RBM28: variants seen among roughly 807,000 people sequenced by gnomAD.
RBM28 encodes RNA-binding protein 28.
RBM28 carries 78 observed loss-of-function variants against 98.3 expected under a neutral mutation model. The ratio of observed to expected loss-of-function variants is 0.79; its 90% confidence interval spans 0.66 to 0.96. The LOEUF is 0.96. Ranked by LOEUF, RBM28 falls within the 40% of genes least tolerant of loss-of-function variation. The pLI is 0.00. For synonymous variants in RBM28, 306 were observed against 330.9 expected, an observed-to-expected ratio of 0.92 and a Z score of 0.82; for missense variants, 838 against 913.0, an observed-to-expected ratio of 0.92 and a Z score of 1.06.
rs1795728715 is a variant in RBM28 at position 128,297,961 on chromosome 7, G to A, written c.*12836C>T. 7.4e-6 allele frequency: 1 copy of A among 135,482 alleles called. No homozygotes were observed. The highest frequency in any genetic ancestry group is 2.7e-5 in the African/African-American group (1 of 36,564). The allele number at this position is 135,482 out of a possible 1,614,324, so 8.4% of individuals were successfully genotyped here. A position where few individuals can be genotyped will look rare whatever the true frequency, so the allele number is the denominator to read the frequency against. ...ATGAGAACACATGGACACAGGAAGG[G>A]GAACATCACACTCTGGGGACTATTG... On this transcript the variant is annotated 3_prime_UTR_variant, in exon 19 of 19. Transcript: ENST00000223073.
At position 128,303,374 on chromosome 7, in the gene RBM28, A is replaced by G. The variant is rs1795807098; in HGVS notation, c.*7423T>C. The G allele has an allele frequency of 6.6e-6, 1 of 152,190 alleles. No individual in the cohort carries two copies. The highest frequency in any genetic ancestry group is 2.4e-5 in the African/African-American group (1 of 41,430). The allele number at this position is 152,190 out of a possible 1,614,324, so 9.4% of individuals were successfully genotyped here. A position where few individuals can be genotyped will look rare whatever the true frequency, so the allele number is the denominator to read the frequency against. ...ACTAGGTGGTGACATCTGCTTCTCA[A>G]TAACCTTCACCAGGCTTGCTGTGAA... On this transcript the variant is annotated 3_prime_UTR_variant, in exon 19 of 19. Coordinates refer to ENST00000223073, the MANE Select transcript of RBM28 (RefSeq NM_018077.3).
rs559133678 is a variant in RBM28 at position 128,328,927 on chromosome 7, A to G, written c.1129+1892T>C. Among the ~76,000 whole-genome samples, 19 of 151,864 alleles carry G rather than the reference A, an allele frequency of 1.3e-4. No individual in the cohort carries two copies. In the South Asian group the frequency reaches 2.9e-3, roughly 23 times the overall value. On this transcript the variant is annotated intron_variant, in intron 10 of 18. Coordinates refer to ENST00000223073, the MANE Select transcript of RBM28 (RefSeq NM_018077.3). ...GATTAGATCTCTAACTCTGTTCCAC[A>G]GTGCTGCCTTATTCACATCTTTTTT...
rs1796524410 is a variant in RBM28 at position 128,333,292 on chromosome 7, G to C, written c.1017C>G (p.Ile339Met). ...ATTCTGGAGGCAGAAAGACATACCT[G>C]ATAAAAACAGTTTTCCCTTCATTCA... ...SDVNEGKTVF[I>M]RNLSFDSEEE... is the part of the protein sequence containing the mutation. Residue 339 changes from isoleucine to methionine, a missense_variant and splice_region_variant, in exon 9 of 19, where the codon ATC becomes ATG. Physicochemically the swap from Ile to Met is conservative, Grantham distance 10. Transcript: ENST00000223073. 6.3e-7 allele frequency: 1 copy of C among 1,589,196 alleles called. No individual in the cohort carries two copies. Among genetic ancestry groups the C allele is most frequent in the Non-Finnish European group, 8.6e-7 (1 of 1,157,478 alleles).
chr7:128,311,697 A>C (rs773990674), intron 18 of RBM28, among the ~76,000 whole-genome samples: 1 of 152,222 alleles, frequency 6.6e-6, no homozygotes, highest in South Asian at 2.1e-4. Context: ...TCAGGATTTC[A>C]TAATACTAAA....
At chr7:128,337,052 T>C in intron 6 of RBM28, 79 bp downstream of exon 6, 1 of 1,459,276 alleles carries the variant, frequency 6.9e-7, no homozygotes, top group Non-Finnish European at 9.6e-7. Flanking sequence ...TACACTTTTA[T>C]CATGAACACA....
At position 128,314,996 on chromosome 7, in the gene RBM28, TTGCAGGCTTGGATCTCATTTTTTGC is replaced by T. The variant is rs763089068; in HGVS notation, c.1789-1_1812del. On this transcript the variant is annotated splice_acceptor_variant and coding_sequence_variant, in exon 17 of 19. Transcript: ENST00000223073. LOFTEE classifies it high-confidence loss of function. ...GGTTGCCCCTTCTGAGGCTCACCAGTTGCAGGCTTGGATCTCATTTTTTGCTGCATAAAACAAGAAAATGCCATCT... is the reference window on the plus strand; with the variant it reads ...GGTTGCCCCTTCTGAGGCTCACCAGTTGCATAAAACAAGAAAATGCCATCT... The T allele has an allele frequency of 6.2e-7, 1 of 1,614,228 alleles. No individual in the cohort carries two copies. Among genetic ancestry groups the T allele is most frequent in the South Asian group, 1.1e-5 (1 of 91,080 alleles).
Position 128,310,540 on chromosome 7 carries a change from C to T in RBM28, c.*257G>A. The T allele has an allele frequency of 2.0e-6, 1 of 507,518 alleles. No homozygotes were observed. The highest frequency in any genetic ancestry group is 2.7e-5 in the South Asian group (1 of 37,014). 31.4% of individuals were successfully genotyped at this position (507,518 alleles called of 1,614,324 possible). ...TAAAAATTGGTAATAATTATAGACA[C>T]AACTTCATACAATAATCTGGATAAT... is the stretch of plus-strand genomic sequence containing the variant. On this transcript the variant is annotated 3_prime_UTR_variant, in exon 19 of 19. Coordinates refer to ENST00000223073, the MANE Select transcript of RBM28 (RefSeq NM_018077.3).
intron 13 of RBM28, among the ~76,000 whole-genome samples, chr7:128,322,104 A>T (rs1796249186): frequency 6.6e-6 from 1 of 151,936 alleles, no homozygotes; most frequent in Non-Finnish European, 1.5e-5. Context: ...AACAAATAAT[A>T]CTGTGATTAA....
chr7:128,339,166 G>A, intron 3 of RBM28, 61 bp downstream of exon 3: 1 of 1,359,152 alleles, frequency 7.4e-7, no homozygotes, highest in Non-Finnish European at 1.0e-6. Context: ...TTCTACTAAT[G>A]ATCACATCTT....
Position 128,337,149 on chromosome 7 carries a change from G to A in RBM28, c.595C>T (p.Gln199Ter). ...ATCTTACCTATAGCAGAAACAGACT[G>A]TGTATCTTTATATTTATCCTTTGCC... Reference protein sequence around the residue: ...AVAKDKYKDTQSVSAIGEEKS... With the variant: ...AVAKDKYKDT The change falls in exon 6 of 19, where the codon CAG (glutamine) becomes TAG (stop). Residue 199 changes from glutamine to a stop codon, truncating the protein, a stop_gained. Transcript: ENST00000223073. LOFTEE classifies it high-confidence loss of function. 1 of 1,614,086 alleles carries A rather than the reference G, an allele frequency of 6.2e-7. No homozygotes were observed. Among genetic ancestry groups the A allele is most frequent in the Non-Finnish European group, 8.5e-7 (1 of 1,179,980 alleles).
Position 128,300,525 on chromosome 7 carries a change from C to G in RBM28, c.*10272G>C, listed in dbSNP as rs980457568. On this transcript the variant is annotated 3_prime_UTR_variant, in exon 19 of 19. Transcript: ENST00000223073. ...GAAGGGCGAGCTATCTTGAGCCTGACTTTTCTGATCCTTCAATGAGCATGC... is the reference window on the plus strand; with the variant it reads ...GAAGGGCGAGCTATCTTGAGCCTGAGTTTTCTGATCCTTCAATGAGCATGC... 6.6e-6 allele frequency: 1 copy of G among 152,250 alleles called. No homozygotes were observed. Among genetic ancestry groups the G allele is most frequent in the African/African-American group, 2.4e-5 (1 of 41,452 alleles). The allele number at this position is 152,250 out of a possible 1,614,324, so 9.4% of individuals were successfully genotyped here.
Position 128,338,741 on chromosome 7 carries a change from T to A in RBM28, c.433A>T (p.Ile145Phe). 3.1e-6 allele frequency: 5 copies of A among 1,604,556 alleles called. No individual in the cohort carries two copies. Among genetic ancestry groups the A allele is most frequent in the Non-Finnish European group, 4.3e-6 (5 of 1,171,372 alleles). Residue 145 changes from isoleucine to phenylalanine, a missense_variant, in exon 4 of 19, where the codon ATC (isoleucine) becomes TTC (phenylalanine). Ile to Phe is a conservative substitution (Grantham distance 21). Coordinates refer to ENST00000223073, the MANE Select transcript of RBM28 (RefSeq NM_018077.3). The part of the protein sequence containing the change: ...AQFGAVLEVN[I>F]PRKPDGKMRG... ...TTATTAGTACCTGGTTTCCTAGGGA[T>A]ATTTACTTCCAGGACAGCTCCAAAT...
chr7:128,325,845 G>C lies in RBM28; in HGVS notation c.1176C>G (p.Cys392Trp). 3 of 1,613,438 alleles carry C rather than the reference G, an allele frequency of 1.9e-6. No homozygotes were observed. The highest frequency in any genetic ancestry group is 2.5e-6 in the Non-Finnish European group (3 of 1,179,692). Residue 392 changes from cysteine (C) to tryptophan (W), a missense_variant, in exon 11 of 19, where the codon TGC becomes TGG. Transcript: ENST00000223073. ...QFMTQEAAQKCLLAASPENEA... is the reference protein window; with the variant it reads ...QFMTQEAAQKWLLAASPENEA... ...CATTCTCTGGAGAAGCAGCTAGAAGGCATTTCTGAGCTGCTTCTTGAGTCA... is the reference window on the plus strand; with the variant it reads ...CATTCTCTGGAGAAGCAGCTAGAAGCCATTTCTGAGCTGCTTCTTGAGTCA...
rs766360462 is a variant in RBM28 at position 128,313,270 on chromosome 7, G to T, written c.2050C>A (p.Arg684=). Residue 684 remains arginine (R), a synonymous_variant, in exon 18 of 19, where the codon CGG becomes AGG. Transcript: ENST00000223073. ...PSHRGPKIRL[R]DKGKVKPVHP... ...ACGGGCTTCACTTTGCCTTTGTCCC[G>T]CAACCTGAAATAACATGGCTGAGTG... The T allele has an allele frequency of 6.2e-6, 10 of 1,613,700 alleles. No homozygotes were observed. The highest frequency in any genetic ancestry group is 3.3e-5 in the South Asian group (3 of 91,068).
At chr7:128,318,257 G>C (rs563231962) in intron 14 of RBM28, 151 bp from the exon 15 acceptor site, 13 of 829,548 alleles carry the variant, frequency 1.6e-5, no homozygotes, top group Non-Finnish European at 2.3e-5. Flanking sequence ...GGCCGAGACA[G>C]GAGGATTGCT....
chr7:128,339,083 C>T (rs965683405), intron 3 of RBM28, 144 bp downstream of exon 3: 1 of 842,660 alleles, frequency 1.2e-6, no homozygotes. Context: ...CACAGGCCCA[C>T]TTTCTGAATT....
intron 1 of RBM28, chr7:128,341,246 T>C (rs1438100244): frequency 8.3e-7 from 1 of 1,199,678 alleles, no homozygotes; most frequent in Non-Finnish European, 1.1e-6. Flanking sequence ...AACATCAATT[T>C]TTCTCTTCTC....
chr7:128,324,437 A>G (rs1160348189), intron 12 of RBM28, 122 bp downstream of exon 12: 2 of 1,364,490 alleles, frequency 1.5e-6, no homozygotes, highest in Non-Finnish European at 2.1e-6. Flanking sequence ...ATCATATAAC[A>G]CTGTTAAAGA....
rs181652304 is a variant in RBM28 at position 128,326,164 on chromosome 7, C to T, written c.1130-273G>A. 3.1e-3 allele frequency among the ~76,000 whole-genome samples: 472 copies of T among 152,158 alleles called. 3 individuals are homozygous for T. Among genetic ancestry groups the T allele is most frequent in the African/African-American group, 0.011 (448 of 41,504 alleles). On this transcript the variant is annotated intron_variant, in intron 10 of 18. Coordinates refer to ENST00000223073, the MANE Select transcript of RBM28 (RefSeq NM_018077.3). ...CTAAAAATACAAAAAATTAGCCAGGCGTGGTGGCGGGCACCTGTAGTCCCA... is the reference window on the plus strand; with the variant it reads ...CTAAAAATACAAAAAATTAGCCAGGTGTGGTGGCGGGCACCTGTAGTCCCA...
Sources: allele counts gnomAD v4.1 joint callset (sites outside exome capture counted in the v4.1 genomes callset), GRCh38; gene constraint gnomAD v4.1.1; transcripts MANE v1.5; gene names NCBI Gene and HGNC (gene_info 2026-07-23, HGNC 2026-07-21).